Variants in WWOX observed in about 807,000 individuals in gnomAD.
WWOX encodes the protein WW domain-containing oxidoreductase.
Under a neutral mutation model 46.2 loss-of-function variants are expected in WWOX, and 69 were observed. The observed-to-expected ratio is 1.49, with a 90% CI of 1.23 to 1.82. The LOEUF (loss-of-function observed/expected upper bound fraction) is 1.82. WWOX is among the 40% of genes most tolerant of loss of function. The pLI is 0.00. For missense variants in WWOX, 919 were observed against 542.6 expected (o/e 1.69, Z -6.89); for synonymous variants, 359 against 202.6 (o/e 1.77, Z -6.56).
intron 8 of WWOX, among the ~76,000 whole-genome samples, chr16:79,019,691 G>C (rs2047492840): frequency 6.6e-6 from 1 of 152,088 alleles, no homozygotes; most frequent in East Asian, 1.9e-4. Flanking sequence ...CTCTCTAAGG[G>C]TGTAATTGTT....
chr16:78,355,772 C>A, intron 5 of WWOX: 1 of 700,242 alleles, frequency 1.4e-6, no homozygotes, highest in Non-Finnish European at 2.5e-6. Context: ...ACAGAATATT[C>A]CAGTGTTCTT....
intron 8 of WWOX, among the ~76,000 whole-genome samples, chr16:78,596,677 A>T (rs968043734): frequency 6.6e-6 from 1 of 152,218 alleles, no homozygotes; most frequent in South Asian, 2.1e-4. Context: ...ATTGGAAGCC[A>T]GCAGGGAGAA....
chr16:78,414,660 G>C (rs924336034), intron 6 of WWOX, among the ~76,000 whole-genome samples: 1 of 152,204 alleles, frequency 6.6e-6, no homozygotes, highest in East Asian at 1.9e-4. Flanking sequence ...ATGAATAATT[G>C]AGAAAGTTGC....
At chr16:78,559,948 C>T (rs969328669) in intron 8 of WWOX, among the ~76,000 whole-genome samples, 18 of 152,276 alleles carry the variant, frequency 1.2e-4, no homozygotes, top group African/African-American at 3.6e-4. Flanking sequence ...CCTGAATCTA[C>T]GTTTTTCTAT....
intron 8 of WWOX, among the ~76,000 whole-genome samples, chr16:78,563,302 CTTTTA>C (rs1229098501): frequency 3.3e-5 from 5 of 152,016 alleles, no homozygotes. Flanking sequence ...TGCAACTTTC[CTTTTA>C]TTTTATTTAT....
chr16:79,100,505 T>C (rs1289164323), intron 8 of WWOX, among the ~76,000 whole-genome samples: 1 of 152,094 alleles, frequency 6.6e-6, no homozygotes, highest in Non-Finnish European at 1.5e-5. Context: ...ACCAATGAAG[T>C]AGAACAAGAC....
chr16:78,803,399 A>T (rs762586076), intron 8 of WWOX, among the ~76,000 whole-genome samples: 1 of 152,112 alleles, frequency 6.6e-6, no homozygotes, highest in African/African-American at 2.4e-5. Context: ...TCTGTTTTAT[A>T]TGGAGGTTTT....
chr16:78,739,271 C>T (rs1369186098), intron 8 of WWOX, among the ~76,000 whole-genome samples: 1 of 152,160 alleles, frequency 6.6e-6, no homozygotes, highest in African/African-American at 2.4e-5. Flanking sequence ...TGGAAGGGTG[C>T]TTGTTCAGCT....
intron 8 of WWOX, among the ~76,000 whole-genome samples, chr16:78,880,844 C>A (rs1166281100): frequency 6.6e-6 from 1 of 152,046 alleles, no homozygotes; most frequent in East Asian, 1.9e-4. Context: ...GATCAGTTCA[C>A]GATTCAGAGA....
intron 8 of WWOX, among the ~76,000 whole-genome samples, chr16:78,945,662 C>T (rs552824357): frequency 6.6e-5 from 10 of 152,026 alleles, no homozygotes; most frequent in South Asian, 2.1e-4. Flanking sequence ...TTTAAGTTGG[C>T]ATCTTTTTTT....
At chr16:78,780,681 G>T (rs978893856) in intron 8 of WWOX, among the ~76,000 whole-genome samples, 1 of 152,128 alleles carries the variant, frequency 6.6e-6, no homozygotes, top group Admixed American at 6.6e-5. Context: ...CTGCATGGGG[G>T]AGAACAGTCT....
intron 8 of WWOX, among the ~76,000 whole-genome samples, chr16:78,860,320 A>T (rs2052686058): frequency 6.6e-6 from 1 of 152,204 alleles, no homozygotes; most frequent in African/African-American, 2.4e-5. Context: ...CTGTGAAGGT[A>T]ATTGAAGAAT....
intron 8 of WWOX, among the ~76,000 whole-genome samples, chr16:78,936,340 T>C (rs577280985): frequency 7.2e-5 from 11 of 152,314 alleles, no homozygotes; most frequent in African/African-American, 2.2e-4. Flanking sequence ...CCTGGACTTA[T>C]CTGGAATGAC....
chr16:78,937,453 T>C (rs1389753192), intron 8 of WWOX, among the ~76,000 whole-genome samples: 1 of 132,616 alleles, frequency 7.5e-6, no homozygotes, highest in Non-Finnish European at 1.6e-5. Flanking sequence ...ATTAACTTTT[T>C]TTTTTTTTTT....
chr16:79,185,564 C>G (rs769152445), intron 8 of WWOX, among the ~76,000 whole-genome samples: 1 of 152,142 alleles, frequency 6.6e-6, no homozygotes, highest in East Asian at 1.9e-4. Flanking sequence ...ATTGAGAGCT[C>G]GCCGCACAGA....
chr16:78,400,991 T>A (rs972719628), intron 6 of WWOX, among the ~76,000 whole-genome samples: 1 of 152,096 alleles, frequency 6.6e-6, no homozygotes, highest in Non-Finnish European at 1.5e-5. Context: ...CCTGGCTAAT[T>A]TTTATTTTTG....
At chr16:78,663,082 A>T (rs28520930) in intron 8 of WWOX, among the ~76,000 whole-genome samples, 323 of 152,310 alleles carry the variant, frequency 2.1e-3, no homozygotes, top group African/African-American at 7.7e-3. Context: ...ACTTGTGCAG[A>T]CATCACCACT....
At chr16:78,511,665 A>G (rs2085364183) in intron 8 of WWOX, among the ~76,000 whole-genome samples, 1 of 152,176 alleles carries the variant, frequency 6.6e-6, no homozygotes, top group African/African-American at 2.4e-5. Context: ...CTAAGTGTCA[A>G]TATCTGTAGT....
intron 5 of WWOX, among the ~76,000 whole-genome samples, chr16:78,287,683 G>A (rs2079791910): frequency 6.6e-6 from 1 of 152,120 alleles, no homozygotes; most frequent in Admixed American, 6.5e-5. Flanking sequence ...ACGGAGACCA[G>A]GCCAAAACGG....
Sources: allele counts gnomAD v4.1 joint callset (sites outside exome capture counted in the v4.1 genomes callset), GRCh38; gene constraint gnomAD v4.1.1; transcripts MANE v1.5; gene names NCBI Gene and HGNC (gene_info 2026-07-23, HGNC 2026-07-21).